GRK5: variants seen among roughly 807,000 people sequenced by gnomAD.
GRK5 encodes the protein G protein-coupled receptor kinase 5, also known as g protein-coupled receptor kinase GRK5.
Under a neutral mutation model 78.4 loss-of-function variants are expected in GRK5, and 40 were observed. The ratio of observed to expected loss-of-function variants is 0.51; its 90% CI spans 0.40 to 0.66. The LOEUF is 0.66. Ranked by LOEUF, GRK5 falls within the 30% of genes least tolerant of loss-of-function variation. The pLI is 0.00. For missense variants in GRK5, 598 were observed against 759.9 expected (o/e 0.79, Z 2.50); for synonymous variants, 289 against 296.8 (o/e 0.97, Z 0.27).
At chr10:119,394,055 TTGTG>T (rs974952938) in intron 3 of GRK5, among the ~76,000 whole-genome samples, 7 of 116,346 alleles carry the variant, frequency 6.0e-5, no homozygotes, top group East Asian at 2.6e-4. Flanking sequence ...GGGTGTGTGG[TTGTG>T]TGTGTGTGTC....
chr10:119,247,945 T>C (rs894687746), intron 1 of GRK5, among the ~76,000 whole-genome samples: 7 of 152,244 alleles, frequency 4.6e-5, no homozygotes, highest in Non-Finnish European at 1.0e-4. Flanking sequence ...TCCAGACATC[T>C]TTCTAAATGC....
intron 2 of GRK5, among the ~76,000 whole-genome samples, chr10:119,365,829 A>G (rs291968): frequency 1 from 151,997 of 152,374 alleles, 75,811 homozygotes; most frequent in East Asian, 1. Context: ...CAGACAAGGC[A>G]CTCCGCTTCC....
intron 4 of GRK5, chr10:119,406,506 T>C: frequency 1.0e-6 from 1 of 983,930 alleles, no homozygotes; most frequent in Non-Finnish European, 1.2e-6. Context: ...TCCCTGGGGC[T>C]TGGGGTCCCA....
intron 1 of GRK5, among the ~76,000 whole-genome samples, chr10:119,270,117 TG>T (rs1849562480): frequency 6.6e-6 from 1 of 152,314 alleles, no homozygotes; most frequent in African/African-American, 2.4e-5. Context: ...ATTACCTTCT[TG>T]GGGGCCTGTT....
chr10:119,443,451 T>G, intron 11 of GRK5, 93 bp from the exon 12 acceptor site: 1 of 1,145,044 alleles, frequency 8.7e-7, no homozygotes, highest in South Asian at 1.5e-5. Flanking sequence ...GGGGTAAGAG[T>G]TGGTGGCGGC....
At chr10:119,427,578 C>CCACCATCATCAGCATCAT (rs1256950544) in intron 6 of GRK5, among the ~76,000 whole-genome samples, 4 of 152,122 alleles carry the variant, frequency 2.6e-5, no homozygotes, top group Admixed American at 6.5e-5. Context: ...ATCAGCATCA[C>CCACCATCATCAGCATCAT]CACCATCATC....
intron 1 of GRK5, among the ~76,000 whole-genome samples, chr10:119,278,388 G>A (rs1849702757): frequency 2.0e-5 from 3 of 152,044 alleles, no homozygotes; most frequent in South Asian, 2.1e-4. Flanking sequence ...TGGCAGATGC[G>A]TTGACTCTCT....
At chr10:119,369,827 C>T (rs767954009) in intron 2 of GRK5, among the ~76,000 whole-genome samples, 1 of 152,146 alleles carries the variant, frequency 6.6e-6, no homozygotes, top group East Asian at 1.9e-4. Context: ...TATGCCAGGC[C>T]CCTTCCAGCG....
chr10:119,243,753 C>T (rs548918730), intron 1 of GRK5, among the ~76,000 whole-genome samples: 113 of 152,042 alleles, frequency 7.4e-4, no homozygotes, highest in African/African-American at 2.4e-3. Flanking sequence ...TGGTGGGGGT[C>T]ATGTGGAATG....
chr10:119,251,832 C>A (rs1366359898), intron 1 of GRK5, among the ~76,000 whole-genome samples: 1 of 152,138 alleles, frequency 6.6e-6, no homozygotes, highest in African/African-American at 2.4e-5. Flanking sequence ...CAGACTTTGT[C>A]AAATGTCCTC....
At chr10:119,345,712 A>C (rs1398990223) in intron 2 of GRK5, among the ~76,000 whole-genome samples, 1 of 150,838 alleles carries the variant, frequency 6.6e-6, no homozygotes, top group Non-Finnish European at 1.5e-5. Flanking sequence ...CTTCCCCTCC[A>C]CCCCACCCTG....
chr10:119,321,342 T>C lies in GRK5; in HGVS notation c.53-5174T>C, dbSNP rs189676279. Among the ~76,000 whole-genome samples the C allele has an allele frequency of 4.6e-5, 7 of 152,312 alleles. No individual in the cohort carries two copies. The South Asian group carries it at 1.2e-3, about 27-fold the overall frequency. On this transcript the variant is annotated intron_variant, in intron 1 of 15. Transcript: ENST00000392870. Reference sequence around the variant, plus strand: ...GCTAAGTGGATTAAAACACCACACATTTAGTATCTTACCGTTCTGGAGATC... The same window carrying C: ...GCTAAGTGGATTAAAACACCACACACTTAGTATCTTACCGTTCTGGAGATC...
chr10:119,310,155 G>T (rs1850335595), intron 1 of GRK5, among the ~76,000 whole-genome samples: 3 of 152,144 alleles, frequency 2.0e-5, no homozygotes, highest in South Asian at 4.2e-4. Flanking sequence ...TTTGAAATAG[G>T]GGATGCAAAA....
At chr10:119,310,179 C>T (rs1204646274) in intron 1 of GRK5, among the ~76,000 whole-genome samples, 2 of 152,078 alleles carry the variant, frequency 1.3e-5, no homozygotes, top group African/African-American at 2.4e-5. Context: ...CTGGGGAGAG[C>T]GGAAGTAATT....
rs1564917604 is a variant in GRK5, at chr10:119,394,595, CT to C, written c.262-2099del. On this transcript the variant is annotated intron_variant, in intron 3 of 15. Transcript: ENST00000392870. Reference sequence around the variant, plus strand: ...TGTGTGTCTGTGTGTGGGTGTGTGTCTGTGTGTGGGCACGTGTATGTTTGGG... The same window carrying C: ...TGTGTGTCTGTGTGTGGGTGTGTGTCGTGTGTGGGCACGTGTATGTTTGGG... 4.1e-3 allele frequency among the ~76,000 whole-genome samples: 10 copies of C among 2,458 alleles called. 2 individuals carry two copies. Among genetic ancestry groups the C allele is most frequent in the Non-Finnish European group, 8.6e-3 (9 of 1,052 alleles). 1.6% of individuals were successfully genotyped at this position (2,458 alleles called of 152,430 possible).
chr10:119,233,302 A>C (rs950593759), intron 1 of GRK5, among the ~76,000 whole-genome samples: 1 of 152,204 alleles, frequency 6.6e-6, no homozygotes, highest in African/African-American at 2.4e-5. Flanking sequence ...TGGTTCCATC[A>C]GTGAGCACAT....
At chr10:119,266,711 G>A (rs1263589156) in intron 1 of GRK5, among the ~76,000 whole-genome samples, 2 of 121,060 alleles carry the variant, frequency 1.7e-5, no homozygotes, top group Non-Finnish European at 3.2e-5. Flanking sequence ...TATTGCTTCT[G>A]CTGATTTCCC....
chr10:119,264,205 G>T lies in GRK5; in HGVS notation c.52+56236G>T, dbSNP rs1230661812. Among the ~76,000 whole-genome samples the T allele has an allele frequency of 6.6e-6, 1 of 152,192 alleles. No individual in the cohort carries two copies. Among genetic ancestry groups the T allele is most frequent in the South Asian group, 2.1e-4 (1 of 4,838 alleles). ...TGTTTCTGTGTAATTTTGCAGCCTG[G>T]TTCTGCTCAGTTCCAGCAAGGTGAC... On this transcript the variant is annotated intron_variant, in intron 1 of 15. Coordinates refer to ENST00000392870, the MANE Select transcript of GRK5 (RefSeq NM_005308.3). The surrounding 1 kb of genome is among the most constrained non-coding windows in gnomAD (Gnocchi z 4.1).
intron 1 of GRK5, chr10:119,211,585 A>T (rs1848486893): frequency 6.6e-6 from 1 of 152,240 alleles, no homozygotes; most frequent in African/African-American, 2.4e-5. Context: ...ATCAAAAAAG[A>T]TACCTGAAGG....
Sources: allele counts gnomAD v4.1 joint callset (sites outside exome capture counted in the v4.1 genomes callset), GRCh38; gene constraint gnomAD v4.1.1; non-coding constraint Gnocchi (gnomAD v3.1); transcripts MANE v1.5; gene names NCBI Gene and HGNC (gene_info 2026-07-23, HGNC 2026-07-21).